CSMD1: variants seen among roughly 807,000 people sequenced by gnomAD.
The protein encoded by CSMD1 is CUB and sushi domain-containing protein 1.
In CSMD1, 213 loss-of-function variants were observed where a neutral mutation model predicts 417.5. The ratio of observed to expected loss-of-function variants is 0.51; its 90% confidence interval spans 0.46 to 0.57. The LOEUF (loss-of-function observed/expected upper bound fraction) is 0.57. Ranked by LOEUF, CSMD1 falls within the 20% of genes least tolerant of loss-of-function variation. The pLI is 0.00. For synonymous variants in CSMD1, 2,862 were observed against 1,736.8 expected, an observed-to-expected ratio of 1.65 and a Z score of -16.11; for missense variants, 6,923 against 4,529.7, an observed-to-expected ratio of 1.53 and a Z score of -15.17.
chr8:3,574,351 G>A lies in CSMD1; in HGVS notation c.1344+594C>T, dbSNP rs146593363. ...TGCCTCCTGGGTTCAAGCGATTCCT[G>A]GGCCTCAGCCTCTCGAATAGCTGGG... On this transcript the variant is annotated intron_variant, in intron 10 of 69. Transcript: ENST00000635120. 4.7e-3 allele frequency among the ~76,000 whole-genome samples: 708 copies of A among 152,228 alleles called. 3 individuals carry two copies. The highest frequency in any genetic ancestry group is 0.016 in the African/African-American group (645 of 41,546).
intron 10 of CSMD1, among the ~76,000 whole-genome samples, chr8:3,546,123 G>T (rs996046425): frequency 6.6e-6 from 1 of 152,154 alleles, no homozygotes; most frequent in South Asian, 2.1e-4. Context: ...ATGTTTTGCT[G>T]TGCATAGGTG....
intron 52 of CSMD1, among the ~76,000 whole-genome samples, chr8:3,009,330 T>C (rs1808206019): frequency 6.6e-6 from 1 of 152,244 alleles, no homozygotes; most frequent in African/African-American, 2.4e-5. Context: ...ATTTGCTTTG[T>C]GATTACTGGT....
intron 3 of CSMD1, among the ~76,000 whole-genome samples, chr8:4,173,323 T>C (rs1196453847): frequency 6.6e-6 from 1 of 152,208 alleles, no homozygotes; most frequent in African/African-American, 2.4e-5. Context: ...TTGTGCTGTA[T>C]ATGGCAAACC....
chr8:4,050,295 C>A (rs1798356794), intron 3 of CSMD1, among the ~76,000 whole-genome samples: 1 of 152,104 alleles, frequency 6.6e-6, no homozygotes, highest in South Asian at 2.1e-4. Context: ...GAACTATGAG[C>A]AGCAGAACTT....
At position 3,151,460 on chromosome 8, in the gene CSMD1, A is replaced by T; in HGVS notation, c.5968T>A (p.Phe1990Ile). 1 of 1,613,906 alleles carries T rather than the reference A, an allele frequency of 6.2e-7. No homozygotes were observed. Among genetic ancestry groups the T allele is most frequent in the East Asian group, 2.2e-5 (1 of 44,870 alleles). ...TLGGVILSPG[F>I]PGSYPNNLDC... ...AAGTTGTTGGGGTAAGAACCTGGGA[A>T]GCCGGGGCTCAGGATCACACCACCC... Residue 1990 changes from phenylalanine to isoleucine, a missense_variant, in exon 40 of 70, where the codon TTC (phenylalanine) becomes ATC (isoleucine). By Grantham distance (21) the Phe-to-Ile change is conservative (BLOSUM62 0). Coordinates refer to ENST00000635120, the MANE Select transcript of CSMD1 (RefSeq NM_033225.6).
At chr8:3,712,923 C>A (rs1265556439) in intron 6 of CSMD1, among the ~76,000 whole-genome samples, 1 of 152,066 alleles carries the variant, frequency 6.6e-6, no homozygotes, top group Non-Finnish European at 1.5e-5. Context: ...CAAGAGATCC[C>A]TGATACATCA....
At position 3,950,942 on chromosome 8, in the gene CSMD1, C is replaced by G. The variant is rs148195933; in HGVS notation, c.818+46961G>C. On this transcript the variant is annotated intron_variant, in intron 5 of 69. Coordinates refer to ENST00000635120, the MANE Select transcript of CSMD1 (RefSeq NM_033225.6). ...ATATTCATAATAAGCCCTGAACAGA[C>G]AAGAAGAAAAAACGATTCTTTTCAT... Among the ~76,000 whole-genome samples, 701 of 152,100 alleles carry G rather than the reference C, an allele frequency of 4.6e-3. 6 individuals carry two copies. The highest frequency in any genetic ancestry group is 0.016 in the African/African-American group (679 of 41,510).
At chr8:4,060,678 T>C (rs1316525176) in intron 3 of CSMD1, among the ~76,000 whole-genome samples, 1 of 152,002 alleles carries the variant, frequency 6.6e-6, no homozygotes, top group African/African-American at 2.4e-5. Context: ...TGAACATAGA[T>C]AAGGCCTGAG....
intron 50 of CSMD1, among the ~76,000 whole-genome samples, chr8:3,036,128 CA>C (rs983876260): frequency 1.3e-5 from 2 of 152,184 alleles, no homozygotes; most frequent in African/African-American, 4.8e-5. Flanking sequence ...AGCAACAACA[CA>C]AAATACTTTG....
At chr8:4,816,955 A>C (rs1462086248) in intron 1 of CSMD1, among the ~76,000 whole-genome samples, 1 of 152,184 alleles carries the variant, frequency 6.6e-6, no homozygotes, top group African/African-American at 2.4e-5. Context: ...ATTGAAGGAC[A>C]GCTACCATTT....
chr8:4,426,359 C>T (rs535862031), intron 2 of CSMD1, among the ~76,000 whole-genome samples: 1 of 149,362 alleles, frequency 6.7e-6, no homozygotes, highest in Admixed American at 6.7e-5. Context: ...TTTGAAAATC[C>T]TTTTTATATA....
At chr8:4,873,267 C>G (rs1240264290) in intron 1 of CSMD1, among the ~76,000 whole-genome samples, 1 of 152,026 alleles carries the variant, frequency 6.6e-6, no homozygotes, top group African/African-American at 2.4e-5. Flanking sequence ...AGATCAAAAT[C>G]TCTTAAAAAC....
intron 3 of CSMD1, among the ~76,000 whole-genome samples, chr8:4,346,073 G>A (rs888869849): frequency 6.6e-6 from 1 of 152,104 alleles, no homozygotes; most frequent in Non-Finnish European, 1.5e-5. Flanking sequence ...GCTGGCATGT[G>A]TGAATACGAA....
At chr8:3,873,729 T>G (rs1001966360) in intron 5 of CSMD1, among the ~76,000 whole-genome samples, 1 of 152,080 alleles carries the variant, frequency 6.6e-6, no homozygotes, top group Non-Finnish European at 1.5e-5. Flanking sequence ...ATAAAAAGCC[T>G]TTTTCTCAGT....
At chr8:3,542,011 C>A (rs961432758) in intron 10 of CSMD1, among the ~76,000 whole-genome samples, 4 of 151,338 alleles carry the variant, frequency 2.6e-5, no homozygotes, top group African/African-American at 9.7e-5. Context: ...GACTCCATTT[C>A]GAAAAAAAGG....
chr8:3,885,796 C>A (rs534861614), intron 5 of CSMD1, among the ~76,000 whole-genome samples: 1 of 152,156 alleles, frequency 6.6e-6, no homozygotes, highest in Non-Finnish European at 1.5e-5. Flanking sequence ...AGCTGACTTT[C>A]TTAAACAATC....
chr8:3,640,012 A>G (rs559757344), intron 7 of CSMD1, among the ~76,000 whole-genome samples: 1 of 152,158 alleles, frequency 6.6e-6, no homozygotes, highest in Non-Finnish European at 1.5e-5. Context: ...GGTGCTCAAT[A>G]AATGTTTGTC....
At chr8:3,766,987 A>C (rs1798307675) in intron 5 of CSMD1, among the ~76,000 whole-genome samples, 1 of 152,184 alleles carries the variant, frequency 6.6e-6, no homozygotes, top group Non-Finnish European at 1.5e-5. Context: ...CCCCAGGCGA[A>C]AAGACCAGCA....
At chr8:3,460,519 G>C (rs1816430426) in intron 12 of CSMD1, among the ~76,000 whole-genome samples, 1 of 152,054 alleles carries the variant, frequency 6.6e-6, no homozygotes, top group Non-Finnish European at 1.5e-5. Context: ...CAAAATAGAA[G>C]AGTTTAGTAG....
Sources: allele counts gnomAD v4.1 joint callset (sites outside exome capture counted in the v4.1 genomes callset), GRCh38; gene constraint gnomAD v4.1.1; transcripts MANE v1.5; gene names NCBI Gene and HGNC (gene_info 2026-07-23, HGNC 2026-07-21).